DNHD1: variants seen among roughly 807,000 people sequenced by gnomAD.
DNHD1 encodes dynein heavy chain domain-containing protein 1.
DNHD1 carries 383 observed loss-of-function variants against 458.1 expected under a neutral mutation model. The observed-to-expected ratio is 0.84, with a 90% CI of 0.77 to 0.91. The LOEUF (loss-of-function observed/expected upper bound fraction) is 0.91. DNHD1 is among the 40% of genes least tolerant of loss of function. The pLI is 0.00. For synonymous variants in DNHD1, 2,203 were observed against 2,376.9 expected, an observed-to-expected ratio of 0.93 and a Z score of 2.13; for missense variants, 5,336 against 5,866.1, an observed-to-expected ratio of 0.91 and a Z score of 2.95.
At chr11:6,535,496 T>G (rs971951206) in intron 14 of DNHD1, among the ~76,000 whole-genome samples, 1 of 152,218 alleles carries the variant, frequency 6.6e-6, no homozygotes, top group Non-Finnish European at 1.5e-5. Context: ...GAACCTAAAG[T>G]GTCATTTTAT....
rs1260180561 is a variant in DNHD1 at position 6,509,374 on chromosome 11, C to A, written c.1235+102C>A. The A allele has an allele frequency of 4.7e-6, 5 of 1,072,296 alleles. No homozygotes were observed. The African/African-American group carries it at 8.0e-5, about 17-fold the overall frequency. The allele number at this position is 1,072,296 out of a possible 1,614,324, so 66.4% of individuals were successfully genotyped here. ...AAAATCTGAAAGATACAAAAAAGCACTAAGAAAAAACCTTTAATCCTACCA... is the reference window on the plus strand; with the variant it reads ...AAAATCTGAAAGATACAAAAAAGCAATAAGAAAAAACCTTTAATCCTACCA... On this transcript the variant is annotated intron_variant, in intron 6 of 42. Coordinates refer to ENST00000254579, the MANE Select transcript of DNHD1 (RefSeq NM_144666.3).
At chr11:6,552,237 G>A (rs919765356) in intron 24 of DNHD1, among the ~76,000 whole-genome samples, 2 of 132,022 alleles carry the variant, frequency 1.5e-5, no homozygotes, top group Non-Finnish European at 3.2e-5. Flanking sequence ...AAGAAAAGAG[G>A]GTTAGGCCAG....
chr11:6,544,962 C>A lies in DNHD1; in HGVS notation c.4023C>A (p.Ile1341=). 6.4e-7 allele frequency: 1 copy of A among 1,551,744 alleles called. No homozygotes were observed. Among genetic ancestry groups the A allele is most frequent in the Non-Finnish European group, 8.7e-7 (1 of 1,147,000 alleles). ...CAGGATCGGTGGAGCTGGAGGGCAT[C>A]ATCATGAGTCTGGAGAGCGTGCTCT... ...LQAGSVELEG[I]IMSLESVLYG... is the part of the protein sequence containing the mutation. Residue 1341 remains isoleucine, a synonymous_variant, in exon 21 of 43, where the codon ATC becomes ATA. Coordinates refer to ENST00000254579, the MANE Select transcript of DNHD1 (RefSeq NM_144666.3).
At chr11:6,534,974 T>G (rs1241059412) in intron 14 of DNHD1, among the ~76,000 whole-genome samples, 2 of 152,236 alleles carry the variant, frequency 1.3e-5, no homozygotes, top group Admixed American at 1.3e-4. Flanking sequence ...CTTGAACTCC[T>G]GGACTCAGGC....
chr11:6,564,283 G>A, intron 31 of DNHD1, 50 bp from the exon 32 acceptor site: 1 of 1,487,146 alleles, frequency 6.7e-7, no homozygotes, highest in Non-Finnish European at 9.0e-7. Context: ...ATCTCTGCCT[G>A]CACCCTCCTC....
Position 6,502,849 on chromosome 11 carries a change from G to A in DNHD1, c.843G>A (p.Met281Ile), listed in dbSNP as rs373358545. Residue 281 changes from methionine (M) to isoleucine (I), a missense_variant, in exon 4 of 43, where the codon ATG (methionine) becomes ATA (isoleucine). Physicochemically the swap from Met to Ile is conservative, Grantham distance 10. Transcript: ENST00000254579. ...PETSFLDSQV[M>I]TALKMERYLK... ...CTTCCTTCCTGGATAGCCAGGTGAT[G>A]ACTGCTCTGAAGATGGAGAGATACC... 11 of 1,613,172 alleles carry A rather than the reference G, an allele frequency of 6.8e-6. No homozygotes were observed. Among genetic ancestry groups the A allele is most frequent in the Non-Finnish European group, 8.5e-6 (10 of 1,179,684 alleles).
In DNHD1 at chr11:6,567,960, T is replaced by C. The variant is rs1853746898; in HGVS notation, c.12352-96T>C. The C allele has an allele frequency of 2.7e-6, 4 of 1,484,968 alleles. No individual in the cohort carries two copies. The South Asian group carries it at 4.1e-5, about 15-fold the overall frequency. The allele number at this position is 1,484,968 out of a possible 1,614,324, so 92.0% of individuals were successfully genotyped here. On this transcript the variant is annotated intron_variant, in intron 36 of 42. Coordinates refer to ENST00000254579, the MANE Select transcript of DNHD1 (RefSeq NM_144666.3). ...TTTTCATGGATCTTTCTGTACTACG[T>C]AGGGACTTTGGGGATCATGGTAGCA... is the stretch of plus-strand genomic sequence containing the variant.
intron 14 of DNHD1, 114 bp from the exon 15 acceptor site, chr11:6,538,269 A>C: frequency 1.2e-6 from 1 of 848,526 alleles, no homozygotes; most frequent in Non-Finnish European, 1.8e-6. Flanking sequence ...CCCACCCCCA[A>C]CCATCACTTT....
At chr11:6,538,026 A>C (rs186048530) in intron 14 of DNHD1, among the ~76,000 whole-genome samples, 1 of 152,338 alleles carries the variant, frequency 6.6e-6, no homozygotes, top group East Asian at 1.9e-4. Context: ...TTCCAGAAAG[A>C]ATAGACTGCT....
rs778201299 is a variant in DNHD1 at position 6,511,427 on chromosome 11, C to G, written c.1390C>G (p.Leu464Val). 1.2e-6 allele frequency: 2 copies of G among 1,614,110 alleles called. No homozygotes were observed. The highest frequency in any genetic ancestry group is 2.2e-5 in the East Asian group (1 of 44,874). ...AAACCTCTGCACATCCATTCTTCGA[C>G]TGGTAAGAGGCTCTTAGTTTATTGT... Reference protein sequence around the residue: ...CLNLCTSILRLVHEDTYHMQQ... With the variant: ...CLNLCTSILRVVHEDTYHMQQ... The change falls in exon 7 of 43, where the codon CTG (leucine) becomes GTG (valine). Residue 464 changes from leucine (L) to valine (V), a missense_variant and splice_region_variant. Physicochemically the swap from Leu to Val is conservative, Grantham distance 32 (BLOSUM62 1). Around this residue, in one of 4 missense-constraint regions of DNHD1, gnomAD observed 3,932 missense variants for 4,365.6 expected, o/e 0.90. Transcript: ENST00000254579.
chr11:6,525,664 G>A (rs1852696042), intron 10 of DNHD1, among the ~76,000 whole-genome samples: 1 of 152,172 alleles, frequency 6.6e-6, no homozygotes, highest in Admixed American at 6.5e-5. Context: ...AAATTCTGAA[G>A]TTCTTCTATG....
At position 6,498,318 on chromosome 11, in the gene DNHD1, C is replaced by T. The variant is rs769831597; in HGVS notation, c.103C>T (p.Pro35Ser). 1.9e-6 allele frequency: 3 copies of T among 1,614,178 alleles called. No individual in the cohort carries two copies. The highest frequency in any genetic ancestry group is 2.5e-6 in the Non-Finnish European group (3 of 1,180,038). Reference protein sequence around the residue: ...SICVLDSKEQPLACQQKQRQF... With the variant: ...SICVLDSKEQSLACQQKQRQF... ...ATGTGTCTTGGACAGCAAAGAACAG[C>T]CCTTGGCCTGCCAGCAGAAACAGAG... Residue 35 changes from proline (P) to serine (S), a missense_variant, in exon 3 of 43, where the codon CCC (proline) becomes TCC (serine). Pro to Ser is a moderately conservative substitution (Grantham distance 74). Transcript: ENST00000254579.
chr11:6,541,949 G>A (rs1265943762), intron 18 of DNHD1, among the ~76,000 whole-genome samples: 2 of 152,190 alleles, frequency 1.3e-5, no homozygotes, highest in African/African-American at 4.8e-5. Context: ...CTTCTGCATA[G>A]AGGAGAATGT....
intron 24 of DNHD1, among the ~76,000 whole-genome samples, chr11:6,550,734 A>G (rs1199683862): frequency 6.6e-6 from 1 of 152,232 alleles, no homozygotes; most frequent in Non-Finnish European, 1.5e-5. Context: ...GGCAATATTA[A>G]TACCAAAGCA....
In DNHD1 at chr11:6,556,895, A is replaced by T. The variant is rs1259153476; in HGVS notation, c.7600A>T (p.Thr2534Ser). The T allele has an allele frequency of 6.4e-7, 1 of 1,551,616 alleles. No homozygotes were observed. Among genetic ancestry groups the T allele is most frequent in the Middle Eastern group, 1.7e-4 (1 of 5,992 alleles). ...GGCCCTGGAAAGCATGACCCAGGCC[A>T]CCCTGCTGGAAAGACATGTGCCTAT... ...VLALESMTQA[T>S]LLERHVPIIQ... The change falls in exon 25 of 43, where the codon ACC becomes TCC. Residue 2534 changes from threonine to serine, a missense_variant. By Grantham distance (58) the Thr-to-Ser change is moderately conservative. Around this residue, in one of 4 missense-constraint regions of DNHD1, gnomAD observed 3,932 missense variants for 4,365.6 expected, o/e 0.90. Transcript: ENST00000254579.
rs1564822805 is a variant in DNHD1 at position 6,564,102 on chromosome 11, GT to G, written c.10263del (p.Ala3422ProfsTer9). The G allele has an allele frequency of 6.4e-7, 1 of 1,551,100 alleles. No individual in the cohort carries two copies. The highest frequency in any genetic ancestry group is 8.7e-7 in the Non-Finnish European group (1 of 1,146,668). ...AAGGCTGCACTGCTCACGCCTATGC[GT>G]GCCTGGACTACACAGCTCCAGGTAA... ...PMKAALLTPMRAWTTQLQKLK... is the reference protein window; with the variant it reads ...PMKAALLTPMXAWTTQLQKLK... On this transcript the variant is annotated frameshift_variant, in exon 31 of 43. Coordinates refer to ENST00000254579, the MANE Select transcript of DNHD1 (RefSeq NM_144666.3). LOFTEE classifies it high-confidence loss of function.
Position 6,519,862 on chromosome 11 carries a change from G to C in DNHD1, c.1647+8G>C, listed in dbSNP as rs1385983162. 6.2e-7 allele frequency: 1 copy of C among 1,612,718 alleles called. No homozygotes were observed. Among genetic ancestry groups the C allele is most frequent in the South Asian group, 1.1e-5 (1 of 91,062 alleles). ...GTGGCCAACATCCTTCAAGTGAGGT[G>C]GTGGGTGGCATGTGTGGAGGTGGCA... is the stretch of plus-strand genomic sequence containing the variant. On this transcript the variant is annotated splice_region_variant and intron_variant, in intron 8 of 42. Coordinates refer to ENST00000254579, the MANE Select transcript of DNHD1 (RefSeq NM_144666.3).
intron 7 of DNHD1, among the ~76,000 whole-genome samples, chr11:6,512,428 T>G (rs998211663): frequency 6.6e-6 from 1 of 151,800 alleles, no homozygotes. Context: ...TTCACTGTGT[T>G]AGCCAGGATG....
Position 6,556,670 on chromosome 11 carries a change from T to A in DNHD1, c.7388-13T>A, listed in dbSNP as rs1267455290. ...TTTTACATGTCCTCATTATTATTCC[T>A]CATGTCCCATAGACCCAGAGAAGAG... On this transcript the variant is annotated splice_polypyrimidine_tract_variant and intron_variant, in intron 24 of 42. Transcript: ENST00000254579. 1 of 1,529,114 alleles carries A rather than the reference T, an allele frequency of 6.5e-7. No homozygotes were observed. Among genetic ancestry groups the A allele is most frequent in the Admixed American group, 2.0e-5 (1 of 49,546 alleles). 94.7% of individuals were successfully genotyped at this position (1,529,114 alleles called of 1,614,324 possible). A position where few individuals can be genotyped will look rare whatever the true frequency, so the allele number is the denominator to read the frequency against.
Sources: allele counts gnomAD v4.1 joint callset (sites outside exome capture counted in the v4.1 genomes callset), GRCh38; gene constraint gnomAD v4.1.1; regional missense constraint gnomAD v4.1.1; transcripts MANE v1.5; gene names NCBI Gene and HGNC (gene_info 2026-07-23, HGNC 2026-07-21).